The following IMMP2L variants were observed in gnomAD, a reference collection of about 807,000 sequenced individuals.
IMMP2L encodes the protein mitochondrial inner membrane protease subunit 2.
A neutral mutation model predicts 19.3 loss-of-function variants in IMMP2L; 18 were observed. The ratio of observed to expected loss-of-function variants is 0.93; its 90% CI spans 0.64 to 1.38. The LOEUF is 1.38. Ranked by LOEUF, IMMP2L falls within the 40% of genes most tolerant of loss-of-function variation. The pLI is 0.00. For synonymous variants in IMMP2L, 76 were observed against 73.0 expected (o/e 1.04, Z -0.21); for missense variants, 233 against 218.2 (o/e 1.07, Z -0.43).
intron 3 of IMMP2L, chr7:111,124,674 A>C: frequency 6.2e-7 from 1 of 1,613,830 alleles, no homozygotes; most frequent in East Asian, 2.2e-5. Flanking sequence ...CCTGTCTTGG[A>C]GGCCTTCTGG....
chr7:111,313,729 A>G (rs1823753452), intron 3 of IMMP2L, among the ~76,000 whole-genome samples: 1 of 152,174 alleles, frequency 6.6e-6, no homozygotes, highest in Non-Finnish European at 1.5e-5. Flanking sequence ...ACAGTAAATA[A>G]TAACTAGACT....
At chr7:111,427,661 C>A (rs1316626282) in intron 3 of IMMP2L, among the ~76,000 whole-genome samples, 1 of 151,766 alleles carries the variant, frequency 6.6e-6, no homozygotes, top group Non-Finnish European at 1.5e-5. Flanking sequence ...CAGTGTGAAT[C>A]TGGGAACAAC....
intron 3 of IMMP2L, among the ~76,000 whole-genome samples, chr7:111,305,586 C>T (rs1563037098): frequency 2.0e-5 from 3 of 151,828 alleles, no homozygotes. Flanking sequence ...GTGATTCTCC[C>T]GCCTCAGCCT....
chr7:110,746,288 C>A (rs1179220224), intron 5 of IMMP2L, among the ~76,000 whole-genome samples: 1 of 152,120 alleles, frequency 6.6e-6, no homozygotes, highest in East Asian at 1.9e-4. Context: ...GAGACTTAGA[C>A]TCCCACATAA....
chr7:111,061,792 A>G (rs1342239463), intron 3 of IMMP2L, among the ~76,000 whole-genome samples: 2 of 152,214 alleles, frequency 1.3e-5, no homozygotes, highest in Non-Finnish European at 2.9e-5. Flanking sequence ...GATTTCATTG[A>G]TTTACATAAA....
chr7:111,147,604 C>A (rs1803619110), intron 3 of IMMP2L, among the ~76,000 whole-genome samples: 1 of 152,090 alleles, frequency 6.6e-6, no homozygotes, highest in Non-Finnish European at 1.5e-5. Flanking sequence ...ACTTTTCCAC[C>A]ATGGAGATTC....
At chr7:111,518,135 A>G (rs1411664942) in intron 2 of IMMP2L, among the ~76,000 whole-genome samples, 2 of 152,116 alleles carry the variant, frequency 1.3e-5, no homozygotes, top group Non-Finnish European at 2.9e-5. Flanking sequence ...TTGCAAATTA[A>G]TACTGAAAAT....
chr7:110,831,428 G>A (rs147984201), intron 5 of IMMP2L, among the ~76,000 whole-genome samples: 29 of 152,228 alleles, frequency 1.9e-4, no homozygotes, highest in Middle Eastern at 6.8e-3. Context: ...ATCTGGGTGA[G>A]TGTTTGATTA....
At chr7:110,835,821 T>A (rs1361750884) in intron 5 of IMMP2L, among the ~76,000 whole-genome samples, 1 of 152,180 alleles carries the variant, frequency 6.6e-6, no homozygotes, top group Non-Finnish European at 1.5e-5. Context: ...TTTCTCTTGT[T>A]CTTCTTATTC....
intron 5 of IMMP2L, among the ~76,000 whole-genome samples, chr7:110,665,993 A>G (rs1013379865): frequency 1.3e-5 from 2 of 152,170 alleles, no homozygotes; most frequent in Non-Finnish European, 2.9e-5. Flanking sequence ...CTCTTAAAAA[A>G]AAAGTGCTTT....
At chr7:111,522,421 C>T (rs1846421429) in intron 1 of IMMP2L, among the ~76,000 whole-genome samples, 1 of 152,020 alleles carries the variant, frequency 6.6e-6, no homozygotes, top group Admixed American at 6.6e-5. Context: ...TGACAAGAGG[C>T]TAATATCCAA....
At chr7:111,044,536 A>T (rs1305305241) in intron 3 of IMMP2L, among the ~76,000 whole-genome samples, 1 of 152,168 alleles carries the variant, frequency 6.6e-6, no homozygotes, top group African/African-American at 2.4e-5. Flanking sequence ...ACTCCAGCCT[A>T]GGCGACAAGA....
intron 3 of IMMP2L, among the ~76,000 whole-genome samples, chr7:111,072,844 A>G (rs1795072560): frequency 6.6e-6 from 1 of 151,352 alleles, no homozygotes; most frequent in Non-Finnish European, 1.5e-5. Flanking sequence ...CGGAGCTTGC[A>G]GCGAGCCAAG....
chr7:111,208,573 G>T (rs1169652376), intron 3 of IMMP2L, among the ~76,000 whole-genome samples: 5 of 152,122 alleles, frequency 3.3e-5, no homozygotes, highest in African/African-American at 1.2e-4. Flanking sequence ...GTTCACAAAG[G>T]ATGGAGAAGA....
At chr7:110,854,240 T>C (rs1329931722) in intron 5 of IMMP2L, among the ~76,000 whole-genome samples, 8 of 151,918 alleles carry the variant, frequency 5.3e-5, no homozygotes, top group Non-Finnish European at 1.2e-4. Context: ...TCCATTTAAA[T>C]TTTTTTCTGA....
chr7:111,102,229 G>A (rs931467818), intron 3 of IMMP2L, among the ~76,000 whole-genome samples: 4 of 151,474 alleles, frequency 2.6e-5, no homozygotes, highest in African/African-American at 9.7e-5. Context: ...GTATTTCATA[G>A]CACATTGACT....
intron 4 of IMMP2L, among the ~76,000 whole-genome samples, chr7:110,906,352 G>C (rs1034308976): frequency 1.3e-5 from 2 of 152,178 alleles, no homozygotes; most frequent in Non-Finnish European, 2.9e-5. Context: ...CTAGGTCACA[G>C]ACCTCAGACA....
At chr7:110,932,675 C>T (rs1815639695) in intron 4 of IMMP2L, among the ~76,000 whole-genome samples, 1 of 152,150 alleles carries the variant, frequency 6.6e-6, no homozygotes, top group African/African-American at 2.4e-5. Flanking sequence ...TTTTTACATT[C>T]TCCAGTGACA....
chr7:111,267,549 T>C (rs1223237984), intron 3 of IMMP2L, among the ~76,000 whole-genome samples: 1 of 152,102 alleles, frequency 6.6e-6, no homozygotes, highest in East Asian at 1.9e-4. Context: ...AGTGACTCCA[T>C]GCCCTAAGAG....
Sources: gnomAD v4.1 joint callset for allele counts (sites outside exome capture counted in the v4.1 genomes callset) on GRCh38, gnomAD v4.1.1 for gene constraint, MANE v1.5 for transcripts, NCBI Gene and HGNC (gene_info 2026-07-23, HGNC 2026-07-21) for gene names.